The following PRRC2B variants were observed in gnomAD, a reference collection of about 807,000 sequenced individuals.
The protein encoded by PRRC2B is protein PRRC2B.
PRRC2B carries 68 observed loss-of-function variants against 242.3 expected under a neutral mutation model. The ratio of observed to expected loss-of-function variants is 0.28; its 90% CI spans 0.23 to 0.34. The LOEUF (loss-of-function observed/expected upper bound fraction) is 0.34. Among genes scored for constraint, PRRC2B ranks in the 10% least tolerant of loss-of-function variants. The probability of loss-of-function intolerance (pLI) is 1.00; values close to 1 mark genes in which losing one functional copy is unlikely to be tolerated. For missense variants in PRRC2B, 2,835 were observed against 2,954.8 expected (o/e 0.96, Z 0.94); for synonymous variants, 1,228 against 1,173.6 (o/e 1.05, Z -0.95).
chr9:131,458,354 CTT>C (rs1343720187), intron 10 of PRRC2B, among the ~76,000 whole-genome samples: 2 of 152,098 alleles, frequency 1.3e-5, no homozygotes, highest in African/African-American at 2.4e-5. Context: ...CAGCTACTGA[CTT>C]TTTAAATCAA....
Position 131,482,467 on chromosome 9 carries a change from G to C in PRRC2B, c.5080G>C (p.Gly1694Arg), listed in dbSNP as rs1163779357. The C allele has an allele frequency of 6.2e-7, 1 of 1,612,090 alleles. No individual in the cohort carries two copies. The highest frequency in any genetic ancestry group is 1.1e-5 in the South Asian group (1 of 91,040). ...ATSSQRSSPY[G>R]TLKPEEMSGP... ...CTCCTCGCAGCGCAGCTCCCCATAT[G>C]GGACTCTGAAGCCAGAGGAGATGAG... The change falls in exon 21 of 32, where the codon GGG (glycine) becomes CGG (arginine). Residue 1694 changes from glycine to arginine, a missense_variant. Physicochemically the swap from Gly to Arg is moderately radical, Grantham distance 125. Around this residue, in one of 7 missense-constraint regions of PRRC2B, gnomAD observed 38 missense variants for 73.3 expected, o/e 0.52. Transcript: ENST00000683519. The surrounding 1 kb of genome is among the most constrained non-coding windows in gnomAD (Gnocchi z 5.2).
chr9:131,448,892 A>G (rs1838920214), intron 9 of PRRC2B, among the ~76,000 whole-genome samples: 1 of 152,182 alleles, frequency 6.6e-6, no homozygotes, highest in South Asian at 2.1e-4. Context: ...ACACACATCC[A>G]TATCCAGAGA....
Position 131,476,052 on chromosome 9 carries a change from A to T in PRRC2B, c.3923A>T (p.Asp1308Val). The change falls in exon 16 of 32, where the codon GAT becomes GTT. Residue 1308 changes from aspartate to valine, a missense_variant. Around this residue, in one of 7 missense-constraint regions of PRRC2B, gnomAD observed 1,536 missense variants for 1,483.1 expected, o/e 1.04. Coordinates refer to ENST00000683519, the MANE Select transcript of PRRC2B (RefSeq NM_013318.4). Reference sequence around the variant, plus strand: ...AGGAGAAGGCGCCCCCCACGCCAAGATAAGCCCCCTCGATTCCGGCGCCTC... The same window carrying T: ...AGGAGAAGGCGCCCCCCACGCCAAGTTAAGCCCCCTCGATTCCGGCGCCTC... ...PFRRRRPPRQ[D>V]KPPRFRRLRQ... The T allele has an allele frequency of 1.9e-6, 3 of 1,607,322 alleles. No homozygotes were observed. The highest frequency in any genetic ancestry group is 2.6e-6 in the Non-Finnish European group (3 of 1,175,596).
At chr9:131,470,750 G>T (rs370870575) in intron 13 of PRRC2B, 38 bp from the exon 14 acceptor site, 29 of 1,573,720 alleles carry the variant, frequency 1.8e-5, no homozygotes, top group Non-Finnish European at 2.3e-5. Flanking sequence ...GTCCCTGGCC[G>T]CACCAGCCTG....
At position 131,470,779 on chromosome 9, in the gene PRRC2B, T is replaced by C. The variant is rs745726683; in HGVS notation, c.1912-9T>C. ...CAGCCTGACCAAGTCTCTCTCTCTC[T>C]GTGGGCAGGAGCAGCTGTACAAGAT... On this transcript the variant is annotated splice_polypyrimidine_tract_variant and intron_variant, in intron 13 of 31. Coordinates refer to ENST00000683519, the MANE Select transcript of PRRC2B (RefSeq NM_013318.4). 2 of 1,610,324 alleles carry C rather than the reference T, an allele frequency of 1.2e-6. No individual in the cohort carries two copies. The highest frequency in any genetic ancestry group is 1.7e-6 in the Non-Finnish European group (2 of 1,178,048).
Position 131,447,737 on chromosome 9 carries a change from C to G in PRRC2B, c.1053C>G (p.Thr351=), listed in dbSNP as rs1838850204. The G allele has an allele frequency of 6.2e-7, 1 of 1,613,798 alleles. No homozygotes were observed. The highest frequency in any genetic ancestry group is 8.5e-7 in the Non-Finnish European group (1 of 1,179,754). The stretch of plus-strand genomic sequence containing the variant: ...TGGTGGAGCGGGCACCACGGCCCAC[C>G]ATTATCAATGCGGAAAACCTGAAGG... The part of the protein sequence containing the change: ...RQLVERAPRP[T]IINAENLKGL... The change falls in exon 9 of 32, where the codon ACC becomes ACG. Residue 351 remains threonine (T), a synonymous_variant. Coordinates refer to ENST00000683519, the MANE Select transcript of PRRC2B (RefSeq NM_013318.4).
intron 1 of PRRC2B, among the ~76,000 whole-genome samples, chr9:131,420,502 T>TCC (rs1564278677): frequency 6.1e-5 from 6 of 97,954 alleles, no homozygotes; most frequent in African/African-American, 2.5e-4. Context: ...TCTTTTTTTT[T>TCC]TTTTTTTTGA....
chr9:131,492,860 G>T (rs1944234805), intron 30 of PRRC2B, among the ~76,000 whole-genome samples: 1 of 152,180 alleles, frequency 6.6e-6, no homozygotes, highest in Non-Finnish European at 1.5e-5. Flanking sequence ...TGCCTTTTCT[G>T]CCCGTGCTGG....
intron 1 of PRRC2B, among the ~76,000 whole-genome samples, chr9:131,419,722 C>T (rs896575978): frequency 2.6e-5 from 4 of 152,032 alleles, no homozygotes; most frequent in African/African-American, 7.3e-5. Context: ...TCTTAATCCA[C>T]GAGGAAATAG....
Position 131,495,948 on chromosome 9 carries a change from C to T in PRRC2B, c.*74C>T, listed in dbSNP as rs1002635420. The T allele has an allele frequency of 8.3e-6, 13 of 1,561,796 alleles. No homozygotes were observed. The highest frequency in any genetic ancestry group is 1.3e-5 in the African/African-American group (1 of 74,098). ...ATGCGGCCTCGACACAGCCGACACT[C>T]GGGAGCCTCACCAGATCCACCGTCC... On this transcript the variant is annotated 3_prime_UTR_variant, in exon 32 of 32. Transcript: ENST00000683519.
rs74704421 is a variant in PRRC2B at position 131,498,272 on chromosome 9, G to A, written c.*2398G>A. 4.0e-5 allele frequency: 6 copies of A among 151,076 alleles called. No homozygotes were observed. Among genetic ancestry groups the A allele is most frequent in the African/African-American group, 1.5e-4 (6 of 41,104 alleles). The allele number at this position is 151,076 out of a possible 1,614,324, so 9.4% of individuals were successfully genotyped here. A position where few individuals can be genotyped will look rare whatever the true frequency, so the allele number is the denominator to read the frequency against. ...ATGTATTGATGTTGTAGGTCTAGGTGAAAAAAAAAGAAGTAAATGTTTCAC... is the reference window on the plus strand; with the variant it reads ...ATGTATTGATGTTGTAGGTCTAGGTAAAAAAAAAAGAAGTAAATGTTTCAC... On this transcript the variant is annotated 3_prime_UTR_variant, in exon 32 of 32. Transcript: ENST00000683519.
intron 11 of PRRC2B, among the ~76,000 whole-genome samples, chr9:131,460,212 G>T (rs187890184): frequency 1.3e-4 from 20 of 152,138 alleles, no homozygotes; most frequent in African/African-American, 4.8e-4. Context: ...TAATCTGCAG[G>T]CCCCATTCAG....
At chr9:131,488,176 A>G in intron 28 of PRRC2B, 80 bp downstream of exon 28, 1 of 1,514,408 alleles carries the variant, frequency 6.6e-7, no homozygotes. Context: ...CCCGCCTCTC[A>G]GTGTGTGCTG....
intron 10 of PRRC2B, among the ~76,000 whole-genome samples, chr9:131,455,870 T>G (rs1384627055): frequency 6.6e-6 from 1 of 151,498 alleles, no homozygotes; most frequent in Non-Finnish European, 1.5e-5. Context: ...TCCAGCACTT[T>G]GGGAGGCCGA....
intron 5 of PRRC2B, among the ~76,000 whole-genome samples, chr9:131,443,700 G>T (rs1367640260): frequency 1.3e-5 from 2 of 152,182 alleles, no homozygotes; most frequent in Admixed American, 1.3e-4. Flanking sequence ...CAAAGTGCTA[G>T]GATTACAGGT....
At chr9:131,454,037 ACCT>A (rs925046716) in intron 9 of PRRC2B, among the ~76,000 whole-genome samples, 1 of 151,986 alleles carries the variant, frequency 6.6e-6, no homozygotes, top group African/African-American at 2.4e-5. Flanking sequence ...GCTCTCTCCC[ACCT>A]CCTAATCCTG....
intron 28 of PRRC2B, 118 bp downstream of exon 28, chr9:131,488,214 CCGTG>C (rs1944081522): frequency 7.3e-7 from 1 of 1,377,090 alleles, no homozygotes; most frequent in Non-Finnish European, 9.6e-7. Context: ...TTGGTAGCCA[CCGTG>C]CCCATTCCTC....
rs145942521 is a variant in PRRC2B at position 131,401,025 on chromosome 9, G to A, written c.-52+6762G>A. On this transcript the variant is annotated intron_variant, in intron 1 of 31. Transcript: ENST00000683519. ...TGCCTAGGCTGGAGAGCAATGGCGC[G>A]ATCTTGGCTCACTGCAACCTCTACC... Among the ~76,000 whole-genome samples, 223 of 150,498 alleles carry A rather than the reference G, an allele frequency of 1.5e-3. 2 individuals carry two copies. The highest frequency in any genetic ancestry group is 5.1e-3 in the African/African-American group (210 of 40,862).
At chr9:131,451,123 G>T (rs571635204) in intron 9 of PRRC2B, among the ~76,000 whole-genome samples, 18 of 152,138 alleles carry the variant, frequency 1.2e-4, no homozygotes, top group Non-Finnish European at 2.5e-4. Flanking sequence ...GCTGAGGCCG[G>T]GCGCAGTGGC....
Sources: gnomAD v4.1 joint callset for allele counts (sites outside exome capture counted in the v4.1 genomes callset) on GRCh38, gnomAD v4.1.1 for gene constraint, gnomAD v4.1.1 regional missense constraint, Gnocchi (gnomAD v3.1) non-coding constraint, MANE v1.5 for transcripts, NCBI Gene and HGNC (gene_info 2026-07-23, HGNC 2026-07-21) for gene names.